The following CDS2 variants were observed in gnomAD, a reference collection of about 807,000 sequenced individuals.
The protein encoded by CDS2 is phosphatidate cytidylyltransferase 2.
In CDS2, 47 loss-of-function variants were observed where a neutral mutation model predicts 59.0. That is an observed-to-expected ratio of 0.80 (90% CI 0.63 to 1.02). The LOEUF (loss-of-function observed/expected upper bound fraction) is 1.02. Ranked by LOEUF, CDS2 falls within the 50% of genes least tolerant of loss-of-function variation. The probability of loss-of-function intolerance (pLI) is 0.00; values close to 1 mark genes in which losing one functional copy is unlikely to be tolerated. For missense variants in CDS2, 356 were observed against 558.9 expected (o/e 0.64, Z 3.66); for synonymous variants, 207 against 206.4 (o/e 1.00, Z -0.02).
intron 10 of CDS2, chr20:5,187,244 G>A (rs374387647): frequency 9.6e-6 from 2 of 208,598 alleles, no homozygotes; most frequent in South Asian, 1.8e-4. Context: ...GGTTCCTCAT[G>A]CCACACACTC....
chr20:5,175,216 T>C lies in CDS2; in HGVS notation c.228T>C (p.Thr76=). The C allele has an allele frequency of 6.2e-7, 1 of 1,614,176 alleles. No individual in the cohort carries two copies. The highest frequency in any genetic ancestry group is 8.5e-7 in the Non-Finnish European group (1 of 1,179,990). Residue 76 remains threonine, a synonymous_variant, in exon 3 of 13, where the codon ACT becomes ACC. Transcript: ENST00000460006. ...WKNWWVRGIL[T]LAMIAFFFII... ...ACTGGTGGGTGAGAGGCATCCTGACTTTGGCCATGATTGCATTTTTCTTCA... is the reference window on the plus strand; with the variant it reads ...ACTGGTGGGTGAGAGGCATCCTGACCTTGGCCATGATTGCATTTTTCTTCA...
At chr20:5,173,841 C>T (rs539382839) in intron 2 of CDS2, among the ~76,000 whole-genome samples, 182 bp downstream of exon 2, 1 of 152,292 alleles carries the variant, frequency 6.6e-6, no homozygotes, top group South Asian at 2.1e-4. Flanking sequence ...GCAGTGAGCA[C>T]AGTGACCAGG....
At chr20:5,183,993 C>T (rs2091049627) in intron 7 of CDS2, among the ~76,000 whole-genome samples, 1 of 152,086 alleles carries the variant, frequency 6.6e-6, no homozygotes, top group South Asian at 2.1e-4. Flanking sequence ...CCCGTCTCTA[C>T]TAAAAATACA....
intron 1 of CDS2, among the ~76,000 whole-genome samples, chr20:5,135,455 TG>T (rs148497878): frequency 0.062 from 9,471 of 152,228 alleles, 1,013 homozygotes; most frequent in African/African-American, 0.21. Flanking sequence ...GCTGTTTGTG[TG>T]TCATACTGCC....
chr20:5,176,505 GGAA>G lies in CDS2; in HGVS notation c.292-138_292-136del, dbSNP rs956585387. 7 of 666,368 alleles carry G rather than the reference GGAA, an allele frequency of 1.1e-5. No homozygotes were observed. In the Admixed American group the frequency reaches 1.3e-4, roughly 13 times the overall value. The allele number at this position is 666,368 out of a possible 1,614,324, so 41.3% of individuals were successfully genotyped here. A position where few individuals can be genotyped will look rare whatever the true frequency, so the allele number is the denominator to read the frequency against. Reference sequence around the variant, plus strand: ...TTGCTCTGTGGGATGGTATGAGAGAGGAAGAAGGAGGGAAGCAGAACCACTGGA... The same window carrying G: ...TTGCTCTGTGGGATGGTATGAGAGAGGAAGGAGGGAAGCAGAACCACTGGA... On this transcript the variant is annotated intron_variant, in intron 3 of 12. Transcript: ENST00000460006.
chr20:5,189,245 T>TC, intron 11 of CDS2, 59 bp downstream of exon 11: 1 of 1,602,498 alleles, frequency 6.2e-7, no homozygotes, highest in Non-Finnish European at 8.5e-7. Context: ...TCTGCCTTTC[T>TC]CCCCCTTCCC....
At chr20:5,131,116 T>C (rs2090604469) in intron 1 of CDS2, among the ~76,000 whole-genome samples, 1 of 150,840 alleles carries the variant, frequency 6.6e-6, no homozygotes, top group South Asian at 2.1e-4. Context: ...AAAAAAGCTC[T>C]GGAGTAAACT....
At chr20:5,130,873 CGAG>C (rs2090600703) in intron 1 of CDS2, among the ~76,000 whole-genome samples, 1 of 151,204 alleles carries the variant, frequency 6.6e-6, no homozygotes, top group Non-Finnish European at 1.5e-5. Flanking sequence ...GGGTGGATCA[CGAG>C]GTTAGGAGAT....
chr20:5,171,599 G>A (rs2090956687), intron 1 of CDS2, among the ~76,000 whole-genome samples: 1 of 152,246 alleles, frequency 6.6e-6, no homozygotes, highest in Non-Finnish European at 1.5e-5. Flanking sequence ...TTGGACAGCT[G>A]TTGTGAATGC....
chr20:5,130,473 G>C (rs1055156586), intron 1 of CDS2, among the ~76,000 whole-genome samples: 2 of 151,674 alleles, frequency 1.3e-5, no homozygotes, highest in Middle Eastern at 3.2e-3. Context: ...TTTCAAGTCA[G>C]TGCTTTAAAA....
In CDS2 at chr20:5,168,889, C is replaced by A. The variant is rs958073436; in HGVS notation, c.58-4634C>A. On this transcript the variant is annotated intron_variant, in intron 1 of 12. Coordinates refer to ENST00000460006, the MANE Select transcript of CDS2 (RefSeq NM_003818.4). Reference sequence around the variant, plus strand: ...TTCTGTTATGTTCTGATCTTTGGGTCAGTGCTGGGTGTGGGGAAGCTTCTG... The same window carrying A: ...TTCTGTTATGTTCTGATCTTTGGGTAAGTGCTGGGTGTGGGGAAGCTTCTG... Among the ~76,000 whole-genome samples, 6 of 152,292 alleles carry A rather than the reference C, an allele frequency of 3.9e-5. No individual in the cohort carries two copies. The East Asian group carries it at 1.2e-3, about 29-fold the overall frequency.
At position 5,196,941 on chromosome 20, in the gene CDS2, G is replaced by T. The variant is rs918727777; in HGVS notation, c.*6707G>T. 2 of 152,444 alleles carry T rather than the reference G, an allele frequency of 1.3e-5. No homozygotes were observed. Among genetic ancestry groups the T allele is most frequent in the African/African-American group, 4.8e-5 (2 of 41,426 alleles). The allele number at this position is 152,444 out of a possible 1,614,324, so 9.4% of individuals were successfully genotyped here. Reference sequence around the variant, plus strand: ...TGTTATCCAGCTGGAGGACTCCTAGGGGCAGCAGCAGGAGGAATACCAGGG... The same window carrying T: ...TGTTATCCAGCTGGAGGACTCCTAGTGGCAGCAGCAGGAGGAATACCAGGG... On this transcript the variant is annotated 3_prime_UTR_variant, in exon 13 of 13. Transcript: ENST00000460006.
chr20:5,163,755 C>T lies in CDS2; in HGVS notation c.58-9768C>T, dbSNP rs1413001745. ...GTGATTTATCAAAAAGAGAAAGAAA[C>T]TATTTAGCATTGTGGCTTTCATAAT... On this transcript the variant is annotated intron_variant, in intron 1 of 12. Coordinates refer to ENST00000460006, the MANE Select transcript of CDS2 (RefSeq NM_003818.4). 6.0e-5 allele frequency among the ~76,000 whole-genome samples: 9 copies of T among 149,628 alleles called. No individual in the cohort carries two copies. In the East Asian group the frequency reaches 1.8e-3, roughly 29 times the overall value.
chr20:5,189,704 A>G (rs764834476), intron 11 of CDS2, 31 bp from the exon 12 acceptor site: 5 of 1,552,748 alleles, frequency 3.2e-6, no homozygotes, highest in Non-Finnish European at 4.4e-6. Context: ...GCTGAGCCCA[A>G]GTTCACCCAT....
In CDS2 at chr20:5,190,339, G is replaced by GTT; in HGVS notation, c.*106_*107insTT. On this transcript the variant is annotated 3_prime_UTR_variant, in exon 13 of 13. Coordinates refer to ENST00000460006, the MANE Select transcript of CDS2 (RefSeq NM_003818.4). ...GACAATGACGAGGCTTCAACTCACT[G>GTT]TCTTTTTTTTTTTTTTTTGGAGGGT... 3 of 869,234 alleles carry GTT rather than the reference G, an allele frequency of 3.5e-6. No homozygotes were observed. The highest frequency in any genetic ancestry group is 5.3e-5 in the South Asian group (2 of 37,522). The allele number at this position is 869,234 out of a possible 1,614,324, so 53.8% of individuals were successfully genotyped here. A position where few individuals can be genotyped will look rare whatever the true frequency, so the allele number is the denominator to read the frequency against.
intron 10 of CDS2, 65 bp from the exon 11 acceptor site, chr20:5,189,002 G>T: frequency 6.2e-7 from 1 of 1,600,526 alleles, no homozygotes; most frequent in South Asian, 1.1e-5. Flanking sequence ...AACATGAGTT[G>T]ACAACTCAAA....
At chr20:5,154,902 C>T (rs144976463) in intron 1 of CDS2, among the ~76,000 whole-genome samples, 287 of 152,340 alleles carry the variant, frequency 1.9e-3, no homozygotes, top group African/African-American at 6.5e-3. Context: ...CCTGCCTTGG[C>T]CTCCCAAAGT....
At chr20:5,144,638 A>T (rs2090724414) in intron 1 of CDS2, among the ~76,000 whole-genome samples, 1 of 152,248 alleles carries the variant, frequency 6.6e-6, no homozygotes. Context: ...GAAATTCAAC[A>T]TGAAACTTTT....
At chr20:5,148,743 C>T (rs1248954513) in intron 1 of CDS2, among the ~76,000 whole-genome samples, 1 of 152,208 alleles carries the variant, frequency 6.6e-6, no homozygotes, top group Admixed American at 6.5e-5. Context: ...ATATCTGTCC[C>T]CTCTTGTGAT....
Sources: gnomAD v4.1 joint callset for allele counts (sites outside exome capture counted in the v4.1 genomes callset) on GRCh38, gnomAD v4.1.1 for gene constraint, MANE v1.5 for transcripts, NCBI Gene and HGNC (gene_info 2026-07-23, HGNC 2026-07-21) for gene names.